C7orf78: variants seen among roughly 807,000 people sequenced by gnomAD.
C7orf78 encodes the protein putative uncharacterized protein C7orf78.
the C7orf78 span, chr7:12,525,971 T>C: frequency 5.1e-6 from 2 of 393,824 alleles, no homozygotes; most frequent in Non-Finnish European, 9.0e-6. Flanking sequence ...AGTAGTAAAT[T>C]CATAGGCTTA....
chr7:12,503,104 G>C, the C7orf78 span, among the ~76,000 whole-genome samples: 8 of 138,934 alleles, frequency 5.8e-5, no homozygotes, highest in African/African-American at 2.3e-4. Flanking sequence ...TAGGGGGGAG[G>C]GATAGCATTG....
At chr7:12,513,771 C>T in the C7orf78 span, among the ~76,000 whole-genome samples, 3 of 151,444 alleles carry the variant, frequency 2.0e-5, no homozygotes, top group Non-Finnish European at 4.4e-5. Context: ...GAGGCCGAGG[C>T]GGGTGGATCA....
the C7orf78 span, chr7:12,528,906 T>C: frequency 5.0e-6 from 2 of 398,434 alleles, no homozygotes; most frequent in Non-Finnish European, 8.9e-6. Flanking sequence ...CTCTAGTACA[T>C]GGGTACCAGT....
the C7orf78 span, among the ~76,000 whole-genome samples, chr7:12,515,359 C>T: frequency 1.3e-5 from 2 of 152,170 alleles, no homozygotes; most frequent in Non-Finnish European, 2.9e-5. Flanking sequence ...GTAAAAAGTG[C>T]CTTTCACCTC....
the C7orf78 span, among the ~76,000 whole-genome samples, chr7:12,540,439 T>A: frequency 0.017 from 2,651 of 152,314 alleles, 64 homozygotes; most frequent in African/African-American, 0.06. Flanking sequence ...TAATGTGCAA[T>A]CATTTTCATA....
chr7:12,489,143 A>G, the C7orf78 span, among the ~76,000 whole-genome samples: 1 of 152,082 alleles, frequency 6.6e-6, no homozygotes, highest in Non-Finnish European at 1.5e-5. Flanking sequence ...ATGGCTTGTA[A>G]CAGTATAGAC....
chr7:12,515,772 C>G, the C7orf78 span, among the ~76,000 whole-genome samples: 1 of 152,020 alleles, frequency 6.6e-6, no homozygotes, highest in Non-Finnish European at 1.5e-5. Context: ...AGCAAAGAGA[C>G]GGGTGGCATT....
the C7orf78 span, among the ~76,000 whole-genome samples, chr7:12,531,368 G>C: frequency 1.3e-5 from 2 of 152,098 alleles, no homozygotes; most frequent in Non-Finnish European, 2.9e-5. Context: ...ACATGTCAAT[G>C]TCATCTCTGA....
At chr7:12,501,401 A>G in the C7orf78 span, among the ~76,000 whole-genome samples, 3 of 151,642 alleles carry the variant, frequency 2.0e-5, no homozygotes, top group East Asian at 1.9e-4. Flanking sequence ...TACAAAATCA[A>G]TGTGCAAAAA....
chr7:12,492,002 T>C, the C7orf78 span: 1 of 152,286 alleles, frequency 6.6e-6, no homozygotes, highest in Non-Finnish European at 1.5e-5. Flanking sequence ...AAAGAAACTA[T>C]GAAGAAGAAG....
At chr7:12,521,841 T>C in the C7orf78 span, among the ~76,000 whole-genome samples, 3 of 151,936 alleles carry the variant, frequency 2.0e-5, no homozygotes, top group African/African-American at 4.8e-5. Flanking sequence ...ATACTATAAC[T>C]CCAATTTTTC....
the C7orf78 span, among the ~76,000 whole-genome samples, chr7:12,529,381 A>AT: frequency 0.084 from 12,713 of 152,192 alleles, 793 homozygotes; most frequent in African/African-American, 0.18. Context: ...CTTTTTCATT[A>AT]TTTATAATGT....
the C7orf78 span, among the ~76,000 whole-genome samples, chr7:12,500,404 A>G: frequency 6.6e-6 from 1 of 150,436 alleles, no homozygotes; most frequent in African/African-American, 2.5e-5. Context: ...GGATATAACC[A>G]CCAATCCCAC....
the C7orf78 span, among the ~76,000 whole-genome samples, chr7:12,532,392 A>G: frequency 6.6e-6 from 1 of 152,068 alleles, no homozygotes; most frequent in Non-Finnish European, 1.5e-5. Context: ...TACTGAAAAT[A>G]CAAAAAATTA....
chr7:12,494,416 TGAA>T, the C7orf78 span, among the ~76,000 whole-genome samples: 7 of 152,070 alleles, frequency 4.6e-5, no homozygotes, highest in Non-Finnish European at 4.4e-5. Flanking sequence ...CATAGATAAT[TGAA>T]GAAGGAGGTG....
At chr7:12,513,916 T>A in the C7orf78 span, among the ~76,000 whole-genome samples, 1 of 152,040 alleles carries the variant, frequency 6.6e-6, no homozygotes, top group Non-Finnish European at 1.5e-5. Flanking sequence ...AGGAGAATGG[T>A]GTAAACCCAG....
chr7:12,504,911 C>G, the C7orf78 span, among the ~76,000 whole-genome samples: 1 of 151,972 alleles, frequency 6.6e-6, no homozygotes, highest in South Asian at 2.1e-4. Context: ...GTATCTGTAT[C>G]TATTTTTTTA....
At chr7:12,539,038 T>C in the C7orf78 span, among the ~76,000 whole-genome samples, 15 of 152,184 alleles carry the variant, frequency 9.9e-5, no homozygotes, top group Admixed American at 8.5e-4. Flanking sequence ...CCCTTACTCT[T>C]TATAAATGAT....
the C7orf78 span, among the ~76,000 whole-genome samples, chr7:12,493,635 G>A: frequency 6.6e-6 from 1 of 152,196 alleles, no homozygotes; most frequent in African/African-American, 2.4e-5. Flanking sequence ...CCTGGCCTCA[G>A]GCCAAACTGG....
Sources: gnomAD v4.1 joint callset for allele counts (sites outside exome capture counted in the v4.1 genomes callset) on GRCh38, gnomAD v4.1.1 for gene constraint, MANE v1.5 for transcripts, NCBI Gene and HGNC (gene_info 2026-07-23, HGNC 2026-07-21) for gene names.